The following ABCD3 variants were observed in gnomAD, a reference collection of about 807,000 sequenced individuals.
ABCD3 encodes the protein ATP-binding cassette sub-family D member 3.
In ABCD3, 41 loss-of-function variants were observed where a neutral mutation model predicts 105.5. The observed-to-expected ratio is 0.39, with a 90% CI of 0.30 to 0.50. The LOEUF is 0.50. ABCD3 is among the 20% of genes least tolerant of loss of function. The pLI, the probability that ABCD3 is intolerant of heterozygous loss-of-function variation, is 0.84. For missense variants in ABCD3, 622 were observed against 806.3 expected (o/e 0.77, Z 2.77); for synonymous variants, 258 against 269.0 (o/e 0.96, Z 0.40).
chr1:94,447,437 T>C (rs1426887704), intron 1 of ABCD3, among the ~76,000 whole-genome samples: 12 of 152,256 alleles, frequency 7.9e-5, no homozygotes, highest in Admixed American at 5.9e-4. Flanking sequence ...ACTGTTTCTT[T>C]ACTATCCCCT....
At chr1:94,465,515 G>C (rs1025836769) in intron 3 of ABCD3, among the ~76,000 whole-genome samples, 3 of 151,990 alleles carry the variant, frequency 2.0e-5, no homozygotes, top group Non-Finnish European at 4.4e-5. Flanking sequence ...TGAAATGCTA[G>C]GGTACTGCCA....
intron 4 of ABCD3, among the ~76,000 whole-genome samples, chr1:94,473,404 G>A (rs1488230240): frequency 6.6e-6 from 1 of 151,984 alleles, no homozygotes; most frequent in South Asian, 2.1e-4. Context: ...CAAACAAATG[G>A]TACTTTGTTT....
At chr1:94,495,993 C>T (rs191322041) in intron 16 of ABCD3, among the ~76,000 whole-genome samples, 8 of 152,254 alleles carry the variant, frequency 5.3e-5, no homozygotes, top group African/African-American at 1.7e-4. Flanking sequence ...TTCATCTGAA[C>T]GACTCTTTAA....
chr1:94,397,565 C>T, the ABCD3 span, among the ~76,000 whole-genome samples: 1 of 152,200 alleles, frequency 6.6e-6, no homozygotes, highest in Non-Finnish European at 1.5e-5. Flanking sequence ...AAGTGCTCTT[C>T]TCATTGCATC....
intron 20 of ABCD3, among the ~76,000 whole-genome samples, chr1:94,500,714 T>G (rs892823617): frequency 1.2e-4 from 18 of 152,188 alleles, no homozygotes; most frequent in African/African-American, 3.9e-4. Flanking sequence ...TCCCTGATTT[T>G]GCAAGTTGTT....
intron 2 of ABCD3, among the ~76,000 whole-genome samples, chr1:94,462,518 ACGTAATGAAAAT>A (rs1480751943): frequency 6.6e-6 from 1 of 152,200 alleles, no homozygotes; most frequent in Non-Finnish European, 1.5e-5. Flanking sequence ...ATGGATTGAA[ACGTAATGAAAAT>A]CCATCAGGTT....
rs1474170733 is a variant in ABCD3 at position 94,498,804 on chromosome 1, C to T, written c.1486C>T (p.Arg496Cys). 2.2e-5 allele frequency: 36 copies of T among 1,613,466 alleles called. No homozygotes were observed. Among genetic ancestry groups the T allele is most frequent in the Middle Eastern group, 3.3e-4 (2 of 6,078 alleles). ...LGELWPLFGG[R>C]LTKPERGKLF... ...ATAGTTATGGCCTCTTTTTGGAGGA[C>T]GTCTAACTAAACCTGAAAGAGGAAA... Residue 496 changes from arginine to cysteine, a missense_variant, in exon 18 of 23, where the codon CGT (arginine) becomes TGT (cysteine). By Grantham distance (180) the Arg-to-Cys change is radical. This residue lies in a region of ABCD3 where 285 missense variants were observed against 352.5 expected (regional missense o/e 0.81). Coordinates refer to ENST00000370214, the MANE Select transcript of ABCD3 (RefSeq NM_002858.4).
chr1:94,436,900 G>C (rs1659927625), intron 1 of ABCD3, among the ~76,000 whole-genome samples: 1 of 152,170 alleles, frequency 6.6e-6, no homozygotes, highest in Admixed American at 6.5e-5. Context: ...CAGCCTTATT[G>C]CTGATAGGGA....
At chr1:94,464,457 G>T (rs1648036711) in intron 2 of ABCD3, among the ~76,000 whole-genome samples, 2 of 151,900 alleles carry the variant, frequency 1.3e-5, no homozygotes, top group South Asian at 2.1e-4. Flanking sequence ...AGCCAGGTTG[G>T]CCATTTTGTT....
intron 1 of ABCD3, among the ~76,000 whole-genome samples, chr1:94,424,299 TTGCTGTTTCCCCTGCC>T (rs1302403525): frequency 5.9e-5 from 9 of 152,308 alleles, no homozygotes; most frequent in Admixed American, 3.9e-4. Context: ...GCTTTTGCTC[TTGCTGTTTCCCCTGCC>T]TGAAGTGCTC....
chr1:94,410,999 T>A, the ABCD3 span, among the ~76,000 whole-genome samples: 1 of 152,054 alleles, frequency 6.6e-6, no homozygotes, highest in Non-Finnish European at 1.5e-5. Flanking sequence ...ATCAAAGACT[T>A]AAATGAAAGA....
intron 3 of ABCD3, 31 bp from the exon 4 acceptor site, chr1:94,467,888 T>C: frequency 6.8e-7 from 1 of 1,478,124 alleles, no homozygotes; most frequent in Non-Finnish European, 9.5e-7. Flanking sequence ...AAAATGCATG[T>C]ATTTAATTTA....
the ABCD3 span, among the ~76,000 whole-genome samples, chr1:94,386,531 T>C: frequency 3.3e-5 from 5 of 152,220 alleles, no homozygotes; most frequent in Admixed American, 3.3e-4. Flanking sequence ...TGAACTTTAA[T>C]CCAGTGGAAG....
At chr1:94,401,232 T>C in the ABCD3 span, among the ~76,000 whole-genome samples, 1 of 152,264 alleles carries the variant, frequency 6.6e-6, no homozygotes, top group South Asian at 2.1e-4. Flanking sequence ...ATGAATTCTT[T>C]CATATACTGT....
chr1:94,430,251 C>T (rs894457963), intron 1 of ABCD3, among the ~76,000 whole-genome samples: 1 of 144,454 alleles, frequency 6.9e-6, no homozygotes, highest in African/African-American at 2.5e-5. Flanking sequence ...TTTACAGGCT[C>T]GTGGGCAGGT....
intron 1 of ABCD3, 83 bp downstream of exon 1, chr1:94,418,671 G>C: frequency 7.0e-7 from 1 of 1,426,088 alleles, no homozygotes; most frequent in Non-Finnish European, 9.5e-7. Flanking sequence ...CGGCCGACAG[G>C]TCTCTTTGCC....
Position 94,418,400 on chromosome 1 carries a change from C to T in ABCD3, c.-79C>T, listed in dbSNP as rs1379060880. 13 of 1,288,508 alleles carry T rather than the reference C, an allele frequency of 1.0e-5. No homozygotes were observed. Among genetic ancestry groups the T allele is most frequent in the Non-Finnish European group, 1.3e-5 (12 of 923,586 alleles). 79.8% of individuals were successfully genotyped at this position (1,288,508 alleles called of 1,614,324 possible). On this transcript the variant is annotated 5_prime_UTR_variant, in exon 1 of 23. Coordinates refer to ENST00000370214, the MANE Select transcript of ABCD3 (RefSeq NM_002858.4). ...CCCTCTGCTCTCCTCCCAGTCTCCC[C>T]CGCGCTGCGTGCAGTAAGGTAGCCG...
At chr1:94,496,617 T>G (rs1264371979) in intron 16 of ABCD3, among the ~76,000 whole-genome samples, 1 of 148,662 alleles carries the variant, frequency 6.7e-6, no homozygotes, top group Non-Finnish European at 1.5e-5. Flanking sequence ...ACCCTACCCC[T>G]ACCTGATACA....
At chr1:94,388,124 A>G in the ABCD3 span, among the ~76,000 whole-genome samples, 1 of 152,222 alleles carries the variant, frequency 6.6e-6, no homozygotes, top group Admixed American at 6.5e-5. Flanking sequence ...ACTTATAGTT[A>G]CCAAGTACAA....
Sources: allele counts gnomAD v4.1 joint callset (sites outside exome capture counted in the v4.1 genomes callset), GRCh38; gene constraint gnomAD v4.1.1; regional missense constraint gnomAD v4.1.1; transcripts MANE v1.5; gene names NCBI Gene and HGNC (gene_info 2026-07-23, HGNC 2026-07-21).